The following NR3C2 variants were observed in gnomAD, a reference collection of about 807,000 sequenced individuals.
NR3C2 encodes the protein nuclear receptor subfamily 3 group C member 2, also known as mineralocorticoid receptor.
A neutral mutation model predicts 86.4 loss-of-function variants in NR3C2; 15 were observed. The ratio of observed to expected loss-of-function variants is 0.17; its 90% confidence interval spans 0.12 to 0.27. The LOEUF is 0.27. Ranked by LOEUF, NR3C2 falls within the 10% of genes least tolerant of loss-of-function variation. The pLI is 1.00. For synonymous variants in NR3C2, 458 were observed against 450.5 expected (o/e 1.02, Z -0.21); for missense variants, 960 against 1,195.6 (o/e 0.80, Z 2.91).
intron 3 of NR3C2, among the ~76,000 whole-genome samples, chr4:148,223,754 G>A (rs1040672007): frequency 2.0e-5 from 3 of 152,170 alleles, no homozygotes; most frequent in Admixed American, 6.5e-5. Context: ...GAACAAAGGT[G>A]AGAGATGAAT....
intron 3 of NR3C2, among the ~76,000 whole-genome samples, chr4:148,252,191 C>T (rs1014729043): frequency 3.3e-5 from 5 of 152,010 alleles, no homozygotes; most frequent in South Asian, 2.1e-4. Context: ...AAGTTCCTAG[C>T]GTAAAGAGCA....
chr4:148,369,681 G>C (rs1746319497), intron 2 of NR3C2, among the ~76,000 whole-genome samples: 1 of 152,110 alleles, frequency 6.6e-6, no homozygotes, highest in African/African-American at 2.4e-5. Flanking sequence ...CAAATGGATT[G>C]TGCCCACTCT....
At chr4:148,253,209 C>A (rs1739658879) in intron 3 of NR3C2, among the ~76,000 whole-genome samples, 1 of 152,208 alleles carries the variant, frequency 6.6e-6, no homozygotes. Context: ...GCACCTGCTG[C>A]AAGCTGGGTG....
chr4:148,088,822 A>G (rs78745079), intron 8 of NR3C2, among the ~76,000 whole-genome samples: 13,586 of 152,082 alleles, frequency 0.089, 1,975 homozygotes, highest in African/African-American at 0.3. Context: ...GAACTTTAAT[A>G]ACAATTATAA....
intron 8 of NR3C2, among the ~76,000 whole-genome samples, chr4:148,103,396 G>T (rs1731629845): frequency 6.6e-6 from 1 of 152,148 alleles, no homozygotes; most frequent in African/African-American, 2.4e-5. Context: ...CATGGTAGAG[G>T]CTACCACGTG....
chr4:148,229,162 C>A (rs1012439249), intron 3 of NR3C2, among the ~76,000 whole-genome samples: 2 of 152,152 alleles, frequency 1.3e-5, no homozygotes, highest in Non-Finnish European at 2.9e-5. Context: ...CAGGATCTCA[C>A]CCAGGCATGC....
Position 148,154,533 on chromosome 4 carries a change from A to C in NR3C2, c.2365+18T>G, listed in dbSNP as rs755898482. On this transcript the variant is annotated intron_variant, in intron 5 of 8. Transcript: ENST00000358102. ...GTTAAGTTCAGGATGCAGCCTGTGA[A>C]AGGAGAGGCAATCCTACCTGGAAGT... 6 of 1,611,350 alleles carry C rather than the reference A, an allele frequency of 3.7e-6. No individual in the cohort carries two copies. The highest frequency in any genetic ancestry group is 5.1e-6 in the Non-Finnish European group (6 of 1,177,566).
At chr4:148,320,167 G>A (rs1290810748) in intron 2 of NR3C2, among the ~76,000 whole-genome samples, 4 of 88,408 alleles carry the variant, frequency 4.5e-5, no homozygotes, top group Non-Finnish European at 8.5e-5. Context: ...CTGTTCATAT[G>A]CTGGATTACA....
At position 148,230,130 on chromosome 4, in the gene NR3C2, G is replaced by A. The variant is rs150935520; in HGVS notation, c.1897+29848C>T. On this transcript the variant is annotated intron_variant, in intron 3 of 8. Coordinates refer to ENST00000358102, the MANE Select transcript of NR3C2 (RefSeq NM_000901.5). ...ACATAAGCTCTAGTACTAGAAATTA[G>A]CTTTGGAGTAAAACAGGCACTTACA... 8.1e-4 allele frequency among the ~76,000 whole-genome samples: 124 copies of A among 152,262 alleles called. No individual in the cohort carries two copies. The East Asian group carries it at 0.02, about 25-fold the overall frequency.
At chr4:148,267,627 C>T (rs1243280131) in intron 2 of NR3C2, among the ~76,000 whole-genome samples, 1 of 152,040 alleles carries the variant, frequency 6.6e-6, no homozygotes, top group Non-Finnish European at 1.5e-5. Context: ...ATATGGATTT[C>T]AACATTTCTT....
At chr4:148,301,382 A>G (rs1453403031) in intron 2 of NR3C2, among the ~76,000 whole-genome samples, 1 of 152,232 alleles carries the variant, frequency 6.6e-6, no homozygotes, top group Non-Finnish European at 1.5e-5. Context: ...TGCATATCCC[A>G]TCAAAATGTA....
At chr4:148,156,422 A>C (rs1734389756) in intron 4 of NR3C2, among the ~76,000 whole-genome samples, 1 of 152,130 alleles carries the variant, frequency 6.6e-6, no homozygotes, top group Non-Finnish European at 1.5e-5. Flanking sequence ...ACAAGAAAAA[A>C]ACAAACAACC....
intron 4 of NR3C2, among the ~76,000 whole-genome samples, chr4:148,165,432 T>C (rs1734836666): frequency 6.6e-6 from 1 of 152,172 alleles, no homozygotes; most frequent in Non-Finnish European, 1.5e-5. Context: ...AAGAGTTTTA[T>C]CTCCACTATT....
At chr4:148,350,845 C>T (rs184261042) in intron 2 of NR3C2, among the ~76,000 whole-genome samples, 24 of 152,224 alleles carry the variant, frequency 1.6e-4, no homozygotes, top group African/African-American at 5.8e-4. Flanking sequence ...ATTAATAGCC[C>T]TCAATCTTGC....
chr4:148,085,863 A>C (rs1730790499), intron 8 of NR3C2, among the ~76,000 whole-genome samples: 1 of 152,244 alleles, frequency 6.6e-6, no homozygotes, highest in African/African-American at 2.4e-5. Flanking sequence ...CTCTATGCAA[A>C]TAAACTAGAA....
intron 3 of NR3C2, among the ~76,000 whole-genome samples, chr4:148,218,293 T>C (rs1304752691): frequency 1.3e-5 from 2 of 152,182 alleles, no homozygotes; most frequent in Admixed American, 6.5e-5. Flanking sequence ...GTTGAAAACA[T>C]AGTTCAAACA....
At chr4:148,419,571 C>T (rs546831885) in intron 2 of NR3C2, among the ~76,000 whole-genome samples, 14 of 152,190 alleles carry the variant, frequency 9.2e-5, no homozygotes, top group African/African-American at 2.9e-4. Flanking sequence ...TAGTCTAGAG[C>T]CATATTTATT....
In NR3C2 at chr4:148,204,287, G is replaced by A. The variant is rs886746112; in HGVS notation, c.1898-9425C>T. Among the ~76,000 whole-genome samples, 11 of 152,068 alleles carry A rather than the reference G, an allele frequency of 7.2e-5. 1 individual carries two copies. The highest frequency in any genetic ancestry group is 1.5e-5 in the Non-Finnish European group (1 of 68,000). ...ACAAGGAACTTTTTTTTCAGGAGGA[G>A]TGACTTACATTTCTCACACATTCAA... On this transcript the variant is annotated intron_variant, in intron 3 of 8. Coordinates refer to ENST00000358102, the MANE Select transcript of NR3C2 (RefSeq NM_000901.5).
chr4:148,082,963 A>C (rs529070957), intron 8 of NR3C2, among the ~76,000 whole-genome samples: 1 of 152,178 alleles, frequency 6.6e-6, no homozygotes, highest in African/African-American at 2.4e-5. Flanking sequence ...GCCACCGGGA[A>C]GTTCCAAGTG....
Sources: allele counts gnomAD v4.1 joint callset (sites outside exome capture counted in the v4.1 genomes callset), GRCh38; gene constraint gnomAD v4.1.1; transcripts MANE v1.5; gene names NCBI Gene and HGNC (gene_info 2026-07-23, HGNC 2026-07-21).